The following GRM8 variants were observed in gnomAD, a reference collection of about 807,000 sequenced individuals.
GRM8 encodes metabotropic glutamate receptor 8.
A neutral mutation model predicts 87.2 loss-of-function variants in GRM8; 47 were observed. The ratio of observed to expected loss-of-function variants is 0.54; its 90% CI spans 0.43 to 0.69. GRM8 has a LOEUF of 0.69. Among genes scored for constraint, GRM8 ranks in the 30% least tolerant of loss-of-function variants. GRM8 has a pLI of 0.00. For missense variants in GRM8, 1,019 were observed against 1,139.2 expected, an observed-to-expected ratio of 0.89 and a Z score of 1.52; for synonymous variants, 396 against 404.5, an observed-to-expected ratio of 0.98 and a Z score of 0.25.
chr7:126,942,590 C>T (rs1296328903), intron 3 of GRM8, among the ~76,000 whole-genome samples: 1 of 152,158 alleles, frequency 6.6e-6, no homozygotes, highest in Non-Finnish European at 1.5e-5. Context: ...TGTGCTACTG[C>T]TCGCCCGGCA....
At chr7:126,975,440 C>T (rs1310170082) in intron 3 of GRM8, among the ~76,000 whole-genome samples, 1 of 152,190 alleles carries the variant, frequency 6.6e-6, no homozygotes, top group African/African-American at 2.4e-5. Context: ...CCCTAGTAGG[C>T]TTCTATTTTC....
chr7:126,635,881 T>C (rs576772464), intron 7 of GRM8, among the ~76,000 whole-genome samples: 1 of 152,268 alleles, frequency 6.6e-6, no homozygotes, highest in East Asian at 1.9e-4. Flanking sequence ...ATTCAAACAA[T>C]ATTAGATTTC....
intron 6 of GRM8, among the ~76,000 whole-genome samples, chr7:126,842,668 G>A (rs1796384629): frequency 6.6e-6 from 1 of 152,186 alleles, no homozygotes; most frequent in Non-Finnish European, 1.5e-5. Context: ...GGAGGCAGAA[G>A]AGCCAGACCA....
chr7:126,530,962 C>T (rs1490144273), intron 9 of GRM8, among the ~76,000 whole-genome samples: 1 of 152,110 alleles, frequency 6.6e-6, no homozygotes, highest in Admixed American at 6.5e-5. Context: ...GTGCACGACA[C>T]CATGCCCGGC....
intron 7 of GRM8, among the ~76,000 whole-genome samples, chr7:126,722,470 C>T (rs1414914756): frequency 1.3e-5 from 2 of 152,100 alleles, no homozygotes; most frequent in Admixed American, 6.6e-5. Flanking sequence ...GCCTCAGGAT[C>T]ATCTCTCTCC....
chr7:126,791,057 AT>A (rs3216291), intron 6 of GRM8, among the ~76,000 whole-genome samples: 2 of 152,156 alleles, frequency 1.3e-5, no homozygotes, highest in East Asian at 3.9e-4. Context: ...ATCTGTTGGA[AT>A]AAATGTACAT....
intron 2 of GRM8, among the ~76,000 whole-genome samples, chr7:127,122,788 A>G (rs977818669): frequency 6.6e-6 from 1 of 152,218 alleles, no homozygotes; most frequent in African/African-American, 2.4e-5. Context: ...ACTTGAAAAG[A>G]AAATGGAAAT....
chr7:126,701,766 G>A (rs1232788815), intron 7 of GRM8: 1 of 1,263,904 alleles, frequency 7.9e-7, no homozygotes, highest in Admixed American at 2.3e-5. Context: ...CCCAACTACT[G>A]GAAAATGAAG....
intron 7 of GRM8, among the ~76,000 whole-genome samples, chr7:126,740,590 A>T (rs1814840361): frequency 6.6e-6 from 1 of 152,278 alleles, no homozygotes; most frequent in East Asian, 1.9e-4. Context: ...AGACTCAAGT[A>T]AGCACTCCTT....
intron 6 of GRM8, among the ~76,000 whole-genome samples, chr7:126,857,421 G>A (rs1797786076): frequency 6.6e-6 from 1 of 152,104 alleles, no homozygotes; most frequent in South Asian, 2.1e-4. Flanking sequence ...CAATTGCAGT[G>A]AGCCATCTTC....
chr7:127,057,499 A>T (rs1486046905), intron 3 of GRM8, among the ~76,000 whole-genome samples: 1 of 152,216 alleles, frequency 6.6e-6, no homozygotes, highest in East Asian at 1.9e-4. Flanking sequence ...CATTTTAAAG[A>T]TGGTAGAACT....
intron 6 of GRM8, among the ~76,000 whole-genome samples, chr7:126,793,750 T>TG (rs1177186643): frequency 6.6e-6 from 1 of 152,198 alleles, no homozygotes; most frequent in African/African-American, 2.4e-5. Flanking sequence ...AAATAGTAAT[T>TG]GTTCAGTTTT....
rs1795767857 is a variant in GRM8 at position 127,204,027 on chromosome 7, A to C, written c.510+38668T>G. Reference sequence around the variant, plus strand: ...TATGCTAAATTTAAGAGTTGTAGTCAAAATGTATTATAGAATCTAACTGTG... The same window carrying C: ...TATGCTAAATTTAAGAGTTGTAGTCCAAATGTATTATAGAATCTAACTGTG... On this transcript the variant is annotated intron_variant, in intron 2 of 10. Coordinates refer to ENST00000339582, the MANE Select transcript of GRM8 (RefSeq NM_000845.3). Among the ~76,000 whole-genome samples the C allele has an allele frequency of 2.6e-5, 4 of 152,260 alleles. No homozygotes were observed. In the South Asian group the frequency reaches 8.3e-4, roughly 32 times the overall value.
intron 2 of GRM8, among the ~76,000 whole-genome samples, chr7:127,124,065 T>C (rs1247966860): frequency 1.3e-5 from 2 of 152,164 alleles, no homozygotes; most frequent in Non-Finnish European, 2.9e-5. Context: ...CTGGCATTTG[T>C]GTATACTCAA....
At chr7:126,469,740 T>C (rs1008183549) in intron 9 of GRM8, among the ~76,000 whole-genome samples, 3 of 152,180 alleles carry the variant, frequency 2.0e-5, no homozygotes, top group Non-Finnish European at 4.4e-5. Flanking sequence ...TTAAACCTCT[T>C]CCATTTATAA....
At chr7:126,472,084 T>G (rs1182126988) in intron 9 of GRM8, among the ~76,000 whole-genome samples, 2 of 152,296 alleles carry the variant, frequency 1.3e-5, no homozygotes, top group Admixed American at 6.5e-5. Context: ...AAGGAGATTT[T>G]GGGCTGAGAC....
At chr7:126,938,173 TTTCTCTGTCCCTTCCCC>T (rs1042205345) in intron 3 of GRM8, among the ~76,000 whole-genome samples, 2 of 152,188 alleles carry the variant, frequency 1.3e-5, no homozygotes, top group Non-Finnish European at 2.9e-5. Context: ...TGTCCTTAAC[TTTCTCTGTCCCTTCCCC>T]TTCTCTGTCC....
At chr7:127,068,286 C>T (rs1821336963) in intron 3 of GRM8, among the ~76,000 whole-genome samples, 2 of 152,166 alleles carry the variant, frequency 1.3e-5, no homozygotes. Flanking sequence ...TATTAACTCC[C>T]TCATCAATAG....
chr7:126,802,272 A>G (rs1019993543), intron 6 of GRM8, among the ~76,000 whole-genome samples: 4 of 152,140 alleles, frequency 2.6e-5, no homozygotes, highest in Non-Finnish European at 5.9e-5. Context: ...GATGTACTAT[A>G]GATGTTTTGA....
Sources: allele counts gnomAD v4.1 joint callset (sites outside exome capture counted in the v4.1 genomes callset), GRCh38; gene constraint gnomAD v4.1.1; transcripts MANE v1.5; gene names NCBI Gene and HGNC (gene_info 2026-07-23, HGNC 2026-07-21).